The following EDIL3 variants were observed in gnomAD, a reference collection of about 807,000 sequenced individuals.
EDIL3 encodes EGF like and discoidin domains 3.
In EDIL3, 37 loss-of-function variants were observed where a neutral mutation model predicts 67.4. The ratio of observed to expected loss-of-function variants is 0.55; its 90% confidence interval spans 0.42 to 0.72. The LOEUF (loss-of-function observed/expected upper bound fraction) is 0.72, where lower values mean the gene tolerates loss of function less well. Ranked by LOEUF, EDIL3 falls within the 30% of genes least tolerant of loss-of-function variation. EDIL3 has a pLI of 0.00. For missense variants in EDIL3, 527 were observed against 586.3 expected (o/e 0.90, Z 1.04); for synonymous variants, 195 against 196.3 (o/e 0.99, Z 0.05).
At chr5:84,131,519 C>T (rs1747966431) in intron 5 of EDIL3, among the ~76,000 whole-genome samples, 1 of 152,132 alleles carries the variant, frequency 6.6e-6, no homozygotes, top group Non-Finnish European at 1.5e-5. Context: ...GCAGGCTCTG[C>T]AACTGCAATG....
At chr5:84,171,394 T>G (rs540658468) in intron 4 of EDIL3, among the ~76,000 whole-genome samples, 1 of 152,276 alleles carries the variant, frequency 6.6e-6, no homozygotes, top group African/African-American at 2.4e-5. Context: ...ACAGTGGTCT[T>G]TGTTGGTTTC....
At chr5:83,988,311 G>A (rs1745091403) in intron 9 of EDIL3, among the ~76,000 whole-genome samples, 1 of 151,950 alleles carries the variant, frequency 6.6e-6, no homozygotes, top group South Asian at 2.1e-4. Context: ...TGTGATTCAG[G>A]CAACTTCTTT....
At chr5:84,034,960 A>G (rs956638861) in intron 9 of EDIL3, among the ~76,000 whole-genome samples, 4 of 152,180 alleles carry the variant, frequency 2.6e-5, no homozygotes, top group Non-Finnish European at 4.4e-5. Flanking sequence ...CTTTTAGAAG[A>G]CAAATTTTAT....
At chr5:84,264,080 T>C (rs1044695908) in intron 1 of EDIL3, among the ~76,000 whole-genome samples, 3 of 152,006 alleles carry the variant, frequency 2.0e-5, no homozygotes, top group Non-Finnish European at 4.4e-5. Flanking sequence ...GTTAGAGGTA[T>C]ACTAAAAATG....
intron 1 of EDIL3, among the ~76,000 whole-genome samples, chr5:84,256,144 CTATCATCT>C (rs1215643927): frequency 2.0e-5 from 2 of 99,818 alleles, no homozygotes; most frequent in African/African-American, 7.8e-5. Context: ...ATCTATCTAT[CTATCATCT>C]ATCTATCTAT....
At chr5:84,224,272 G>T (rs1213981077) in intron 3 of EDIL3, among the ~76,000 whole-genome samples, 3 of 151,412 alleles carry the variant, frequency 2.0e-5, no homozygotes, top group Admixed American at 2.0e-4. Context: ...ATGAATGAAT[G>T]ATTTCCTTGT....
chr5:84,010,324 C>G (rs1029501797), intron 9 of EDIL3, among the ~76,000 whole-genome samples: 3 of 152,036 alleles, frequency 2.0e-5, no homozygotes, highest in African/African-American at 7.2e-5. Flanking sequence ...AACCATGATC[C>G]ATTTTACTCA....
chr5:84,175,061 C>T (rs533407186), intron 4 of EDIL3, among the ~76,000 whole-genome samples: 13 of 152,102 alleles, frequency 8.5e-5, no homozygotes, highest in East Asian at 1.9e-4. Flanking sequence ...TTTCTGTAGG[C>T]GGTGGCAGTT....
chr5:84,242,300 G>C (rs1744813871), intron 2 of EDIL3, among the ~76,000 whole-genome samples: 2 of 152,136 alleles, frequency 1.3e-5, no homozygotes, highest in Middle Eastern at 6.8e-3. Context: ...TACAGATGAG[G>C]AAAGTAAGGT....
chr5:84,222,666 TC>T (rs1167701665), intron 3 of EDIL3, among the ~76,000 whole-genome samples: 1 of 151,858 alleles, frequency 6.6e-6, no homozygotes, highest in African/African-American at 2.4e-5. Context: ...AAAAGGATTA[TC>T]TTTTTGATAT....
At chr5:84,002,229 A>T (rs1745343713) in intron 9 of EDIL3, among the ~76,000 whole-genome samples, 1 of 152,190 alleles carries the variant, frequency 6.6e-6, no homozygotes, top group Admixed American at 6.5e-5. Flanking sequence ...AAAATTTAAC[A>T]TCCCTTCATG....
intron 4 of EDIL3, 114 bp from the exon 5 acceptor site, chr5:84,137,468 T>G (rs1748114283): frequency 5.1e-6 from 4 of 790,474 alleles, no homozygotes; most frequent in Non-Finnish European, 8.0e-6. Flanking sequence ...CCTTTGTGTG[T>G]GTGTAGGCAT....
chr5:83,962,677 ATC>A (rs1744625175), intron 10 of EDIL3, among the ~76,000 whole-genome samples: 2 of 150,928 alleles, frequency 1.3e-5, no homozygotes, highest in South Asian at 4.3e-4. Context: ...GCAGAAAAAC[ATC>A]TGAGTTTTTT....
At chr5:84,096,397 G>T (rs1297488248) in intron 6 of EDIL3, among the ~76,000 whole-genome samples, 1 of 152,226 alleles carries the variant, frequency 6.6e-6, no homozygotes, top group East Asian at 1.9e-4. Flanking sequence ...GCTTGACATG[G>T]ATGTGAGACA....
At chr5:84,155,245 A>T (rs537860080) in intron 4 of EDIL3, among the ~76,000 whole-genome samples, 151 of 152,314 alleles carry the variant, frequency 9.9e-4, no homozygotes, top group Non-Finnish European at 1.9e-3. Flanking sequence ...CTAGTCATAG[A>T]AGTCTAAGTT....
rs1001473660 is a variant in EDIL3 at position 84,289,272 on chromosome 5, C to T, written c.68-35060G>A. Among the ~76,000 whole-genome samples the T allele has an allele frequency of 5.3e-5, 8 of 152,076 alleles. No individual in the cohort carries two copies. The South Asian group carries it at 1.7e-3, about 32-fold the overall frequency. On this transcript the variant is annotated intron_variant, in intron 1 of 10. Transcript: ENST00000296591. ...TCTAAATAAACTTACTTAAACTCAC[C>T]CAATAACAATAAGAGTGTTTGTTTA...
At chr5:84,075,047 T>C (rs1236706693) in intron 6 of EDIL3, among the ~76,000 whole-genome samples, 2 of 152,156 alleles carry the variant, frequency 1.3e-5, no homozygotes, top group Non-Finnish European at 2.9e-5. Flanking sequence ...ATGTTCTTTG[T>C]AGGGACATGG....
intron 9 of EDIL3, among the ~76,000 whole-genome samples, chr5:84,011,427 C>T (rs543809058): frequency 1.1e-4 from 17 of 152,236 alleles, no homozygotes; most frequent in Middle Eastern, 3.4e-3. Context: ...TTATTTTTCA[C>T]CTGAGTATTG....
chr5:84,132,575 A>ATATATATTTTATATATTTTTAATATATAT (rs1748012155), intron 5 of EDIL3, among the ~76,000 whole-genome samples: 1 of 111,716 alleles, frequency 9.0e-6, no homozygotes, highest in Non-Finnish European at 1.7e-5. Context: ...TTAATATATA[A>ATATATATTTTATATATTTTTAATATATAT]TATATATTTT....
Sources: gnomAD v4.1 joint callset for allele counts (sites outside exome capture counted in the v4.1 genomes callset) on GRCh38, gnomAD v4.1.1 for gene constraint, MANE v1.5 for transcripts, NCBI Gene and HGNC (gene_info 2026-07-23, HGNC 2026-07-21) for gene names.